Variants in ABTB3 observed in about 807,000 individuals in gnomAD.
ABTB3 encodes the protein ankyrin repeat- and BTB/POZ domain-containing protein 3.
the ABTB3 span, among the ~76,000 whole-genome samples, chr12:107,647,374 G>A: frequency 6.6e-6 from 1 of 152,134 alleles, no homozygotes; most frequent in South Asian, 2.1e-4. Flanking sequence ...GCACGGTGGT[G>A]CGTGCCTGTA....
At chr12:107,424,835 C>A in the ABTB3 span, among the ~76,000 whole-genome samples, 1 of 152,298 alleles carries the variant, frequency 6.6e-6, no homozygotes. Context: ...CACCTGAACT[C>A]CTGCATATCT....
At chr12:107,403,365 C>A in the ABTB3 span, among the ~76,000 whole-genome samples, 1 of 152,110 alleles carries the variant, frequency 6.6e-6, no homozygotes, top group Non-Finnish European at 1.5e-5. Flanking sequence ...TTTCACCGGG[C>A]TCTATTTCCA....
At chr12:107,645,160 T>A in the ABTB3 span, among the ~76,000 whole-genome samples, 10 of 151,308 alleles carry the variant, frequency 6.6e-5, no homozygotes, top group Admixed American at 6.6e-4. Flanking sequence ...AGAGACGGGG[T>A]TTTTCCATGT....
At chr12:107,369,693 C>A in the ABTB3 span, among the ~76,000 whole-genome samples, 1 of 145,882 alleles carries the variant, frequency 6.9e-6, no homozygotes, top group African/African-American at 2.6e-5. Context: ...GCCACCATAC[C>A]CAGCCCAAAC....
the ABTB3 span, among the ~76,000 whole-genome samples, chr12:107,362,889 G>T: frequency 6.6e-6 from 1 of 152,024 alleles, no homozygotes. Flanking sequence ...TGGATATTCT[G>T]TCCATTTCCA....
the ABTB3 span, among the ~76,000 whole-genome samples, chr12:107,345,849 G>A: frequency 6.6e-6 from 1 of 152,232 alleles, no homozygotes; most frequent in South Asian, 2.1e-4. Context: ...TGAATGACGA[G>A]CTAGAGAAGC....
the ABTB3 span, among the ~76,000 whole-genome samples, chr12:107,458,810 A>T: frequency 6.6e-6 from 1 of 152,194 alleles, no homozygotes; most frequent in Non-Finnish European, 1.5e-5. Flanking sequence ...AGATGAGGCC[A>T]TGAAACACTG....
At chr12:107,582,299 T>G in the ABTB3 span, among the ~76,000 whole-genome samples, 3 of 152,160 alleles carry the variant, frequency 2.0e-5, no homozygotes, top group African/African-American at 4.8e-5. Context: ...CCAAACAGTG[T>G]AAAGTAGGTA....
chr12:107,643,402 CAAA>C, the ABTB3 span, among the ~76,000 whole-genome samples: 3 of 79,526 alleles, frequency 3.8e-5, no homozygotes, highest in Admixed American at 1.6e-4. Context: ...GACCCTATCT[CAAA>C]AAAAAAAAAA....
At chr12:107,410,228 A>T in the ABTB3 span, among the ~76,000 whole-genome samples, 2 of 143,860 alleles carry the variant, frequency 1.4e-5, no homozygotes, top group African/African-American at 5.0e-5. Flanking sequence ...AGAATTGTTA[A>T]AAAAAAAAAA....
chr12:107,622,733 C>T, the ABTB3 span, among the ~76,000 whole-genome samples: 3 of 152,160 alleles, frequency 2.0e-5, no homozygotes, highest in African/African-American at 7.2e-5. Flanking sequence ...CTCAGCCTCC[C>T]CAGGTGCTGG....
chr12:107,634,625 CT>C, the ABTB3 span, among the ~76,000 whole-genome samples: 1 of 152,148 alleles, frequency 6.6e-6, no homozygotes, highest in Non-Finnish European at 1.5e-5. Flanking sequence ...ACGGAAATGG[CT>C]GCAAAGTGGG....
chr12:107,335,359 A>G, the ABTB3 span, among the ~76,000 whole-genome samples: 2 of 147,546 alleles, frequency 1.4e-5, no homozygotes, highest in Non-Finnish European at 3.0e-5. Context: ...TGGGAACCAC[A>G]CTAACCATAA....
the ABTB3 span, among the ~76,000 whole-genome samples, chr12:107,539,101 A>G: frequency 6.6e-6 from 1 of 152,126 alleles, no homozygotes; most frequent in African/African-American, 2.4e-5. Flanking sequence ...TTGATATAAT[A>G]ATGCTCACCT....
At chr12:107,351,833 T>G in the ABTB3 span, among the ~76,000 whole-genome samples, 1 of 152,158 alleles carries the variant, frequency 6.6e-6, no homozygotes. Flanking sequence ...CTCTCCCAAT[T>G]AATATCTGTT....
the ABTB3 span, among the ~76,000 whole-genome samples, chr12:107,564,093 T>A: frequency 2.6e-5 from 2 of 76,504 alleles, no homozygotes; most frequent in African/African-American, 9.3e-5. Context: ...TATCTCTCTG[T>A]GTGTGTGTGT....
chr12:107,352,558 C>T, the ABTB3 span, among the ~76,000 whole-genome samples: 3 of 152,028 alleles, frequency 2.0e-5, no homozygotes, highest in Admixed American at 6.5e-5. Flanking sequence ...GAGTGTCCAA[C>T]TAAGGGGGCC....
the ABTB3 span, among the ~76,000 whole-genome samples, chr12:107,489,471 G>A: frequency 6.6e-6 from 1 of 152,174 alleles, no homozygotes; most frequent in Non-Finnish European, 1.5e-5. Context: ...AGTGAGCCAA[G>A]TTTGCACCAT....
chr12:107,648,511 G>C, the ABTB3 span, among the ~76,000 whole-genome samples: 9 of 152,090 alleles, frequency 5.9e-5, no homozygotes, highest in Admixed American at 4.6e-4. Flanking sequence ...ATACATCCAC[G>C]GGCCCCATTC....
Sources: allele counts gnomAD v4.1 joint callset (sites outside exome capture counted in the v4.1 genomes callset), GRCh38; gene constraint gnomAD v4.1.1; transcripts MANE v1.5; gene names NCBI Gene and HGNC (gene_info 2026-07-23, HGNC 2026-07-21).